UCN2: variants seen among roughly 807,000 people sequenced by gnomAD.
The protein encoded by UCN2 is urocortin 2, also known as urocortin-2.
In UCN2, 3 loss-of-function variants were observed where a neutral mutation model predicts 1.6. That is an observed-to-expected ratio of 1.88 (90% CI 0.85 to 4.85). UCN2 has a LOEUF of 4.85. UCN2 is among the 30% of genes most tolerant of loss of function. The probability of loss-of-function intolerance (pLI) is 0.02; values close to 1 mark genes in which losing one functional copy is unlikely to be tolerated. For synonymous variants in UCN2, 64 were observed against 66.0 expected (o/e 0.97, Z 0.15); for missense variants, 127 against 150.8 (o/e 0.84, Z 0.83).
Position 48,563,175 on chromosome 3 carries a change from C to A in UCN2, c.-12-39G>T. On this transcript the variant is annotated intron_variant, in intron 1 of 1. Transcript: ENST00000273610. This position sits in a 1 kb window ranked among gnomAD's most constrained non-coding sequence, Gnocchi z 4.5. ...ATGGGCTCAGGGCAGGGGCTCTGGT[C>A]AACTGGGGTCCATGGACAGAGACAG... The A allele has an allele frequency of 6.5e-7, 1 of 1,542,792 alleles. No homozygotes were observed. The highest frequency in any genetic ancestry group is 1.2e-5 in the South Asian group (1 of 83,382).
In UCN2 at chr3:48,563,094, C is replaced by G. The variant is rs778940067; in HGVS notation, c.31G>C (p.Val11Leu). 6.2e-7 allele frequency: 1 copy of G among 1,611,464 alleles called. No individual in the cohort carries two copies. The highest frequency in any genetic ancestry group is 2.2e-5 in the East Asian group (1 of 44,796). The change falls in exon 2 of 2, where the codon GTC (valine) becomes CTC (leucine). Residue 11 changes from valine to leucine, a missense_variant. Physicochemically the swap from Val to Leu is conservative, Grantham distance 32. Around this residue, in one of 2 missense-constraint regions of UCN2, gnomAD observed 5 missense variants for 19.3 expected, o/e 0.26. Coordinates refer to ENST00000273610, the MANE Select transcript of UCN2 (RefSeq NM_033199.4). This position sits in a 1 kb window ranked among gnomAD's most constrained non-coding sequence, Gnocchi z 4.5. ...ACCAGGACTCTGCCCAACATCAGGACCATCAGCAACAGCAGAGCACACCTG... is the reference window on the plus strand; with the variant it reads ...ACCAGGACTCTGCCCAACATCAGGAGCATCAGCAACAGCAGAGCACACCTG... Reference protein sequence around the residue: MTRCALLLLMVLMLGRVLVVP... With the variant: MTRCALLLLMLLMLGRVLVVP...
rs763575871 is a variant in UCN2 at position 48,562,936 on chromosome 3, G to A, written c.189C>T (p.Ser63=). The change falls in exon 2 of 2, where the codon AGC becomes AGT. Residue 63 remains serine (S), a synonymous_variant. Transcript: ENST00000273610. This position sits in a 1 kb window ranked among gnomAD's most constrained non-coding sequence, Gnocchi z 4.3. ...TWPWAAQSHC[S]PTRHPGSRIV... is the part of the protein sequence containing the mutation. ...TGCGCGAGCCAGGGTGGCGGGTGGG[G>A]CTGCAGTGGCTCTGGGCAGCCCACG... is the stretch of plus-strand genomic sequence containing the variant. 45 of 1,604,908 alleles carry A rather than the reference G, an allele frequency of 2.8e-5. No individual in the cohort carries two copies. In the East Asian group the frequency reaches 9.9e-4, roughly 35 times the overall value.
rs1176224975 is a variant in UCN2, at chr3:48,563,229, G to A, written c.-12-93C>T. 3 of 1,115,668 alleles carry A rather than the reference G, an allele frequency of 2.7e-6. No individual in the cohort carries two copies. Among genetic ancestry groups the A allele is most frequent in the Non-Finnish European group, 2.5e-6 (2 of 785,364 alleles). 69.1% of individuals were successfully genotyped at this position (1,115,668 alleles called of 1,614,324 possible). ...GCAAGGGCAGAGTGACAGAGCGGGGGATGGAGAGAGAGGAAGACACCGAGA... is the reference window on the plus strand; with the variant it reads ...GCAAGGGCAGAGTGACAGAGCGGGGAATGGAGAGAGAGGAAGACACCGAGA... On this transcript the variant is annotated intron_variant, in intron 1 of 1. Transcript: ENST00000273610. This position sits in a 1 kb window ranked among gnomAD's most constrained non-coding sequence, Gnocchi z 4.5.
chr3:48,562,586 G>T lies in UCN2; in HGVS notation c.*200C>A, dbSNP rs2043449092. ...AATGTCCAGGCTGTCCAGACACACT[G>T]TGACTCTGTGGGGCACTCAGATCTG... On this transcript the variant is annotated 3_prime_UTR_variant, in exon 2 of 2. Coordinates refer to ENST00000273610, the MANE Select transcript of UCN2 (RefSeq NM_033199.4). The surrounding 1 kb of genome is among the most constrained non-coding windows in gnomAD (Gnocchi z 4.3). 4.9e-6 allele frequency: 3 copies of T among 606,174 alleles called. No homozygotes were observed. The highest frequency in any genetic ancestry group is 8.5e-6 in the Non-Finnish European group (3 of 352,912). The allele number at this position is 606,174 out of a possible 1,614,324, so 37.5% of individuals were successfully genotyped here. A position where few individuals can be genotyped will look rare whatever the true frequency, so the allele number is the denominator to read the frequency against.
In UCN2 at chr3:48,563,219, C is replaced by CAG. The variant is rs2043466328; in HGVS notation, c.-12-85_-12-84dup. Reference sequence around the variant, plus strand: ...GAGACAGATGGCAAGGGCAGAGTGACAGAGCGGGGGATGGAGAGAGAGGAA... The same window carrying CAG: ...GAGACAGATGGCAAGGGCAGAGTGACAGAGAGCGGGGGATGGAGAGAGAGGAA... On this transcript the variant is annotated intron_variant, in intron 1 of 1. Transcript: ENST00000273610. This position sits in a 1 kb window ranked among gnomAD's most constrained non-coding sequence, Gnocchi z 4.5. The CAG allele has an allele frequency of 1.6e-6, 2 of 1,230,848 alleles. No individual in the cohort carries two copies. The highest frequency in any genetic ancestry group is 5.0e-5 in the East Asian group (2 of 40,354). The allele number at this position is 1,230,848 out of a possible 1,614,324, so 76.2% of individuals were successfully genotyped here. A position where few individuals can be genotyped will look rare whatever the true frequency, so the allele number is the denominator to read the frequency against.
rs747949979 is a variant in UCN2, at chr3:48,562,901, G to T, written c.224C>A (p.Ser75Ter). The change falls in exon 2 of 2, where the codon TCG becomes TAG. Residue 75 changes from serine (S) to a stop codon, truncating the protein, a stop_gained. Transcript: ENST00000273610. LOFTEE classifies it high-confidence loss of function. The surrounding 1 kb of genome is among the most constrained non-coding windows in gnomAD (Gnocchi z 4.3). ...TRHPGSRIVLSLDVPIGLLQI... is the reference protein window; with the variant it reads ...TRHPGSRIVL ...CAAGAGGCCGATGGGGACATCCAGC[G>T]ATAGGACAATGCGCGAGCCAGGGTG... 6.2e-6 allele frequency: 10 copies of T among 1,605,376 alleles called. No individual in the cohort carries two copies. In the African/African-American group the frequency reaches 1.3e-4, roughly 21 times the overall value.
Position 48,562,148 on chromosome 3 carries a change from AG to A in UCN2, c.*637del, listed in dbSNP as rs2043441361. 6.5e-6 allele frequency: 1 copy of A among 152,892 alleles called. No individual in the cohort carries two copies. Among genetic ancestry groups the A allele is most frequent in the Non-Finnish European group, 1.5e-5 (1 of 68,542 alleles). The allele number at this position is 152,892 out of a possible 1,614,324, so 9.5% of individuals were successfully genotyped here. A position where few individuals can be genotyped will look rare whatever the true frequency, so the allele number is the denominator to read the frequency against. On this transcript the variant is annotated 3_prime_UTR_variant, in exon 2 of 2. Coordinates refer to ENST00000273610, the MANE Select transcript of UCN2 (RefSeq NM_033199.4). The surrounding 1 kb of genome is among the most constrained non-coding windows in gnomAD (Gnocchi z 4.3). ...CACGCACATATGCGCCCATAAGACAAGGCTGCCATGGTCACAGGCTTCCTGT... is the reference window on the plus strand; with the variant it reads ...CACGCACATATGCGCCCATAAGACAAGCTGCCATGGTCACAGGCTTCCTGT...
rs2043444521 is a variant in UCN2 at position 48,562,319 on chromosome 3, C to G, written c.*467G>C. On this transcript the variant is annotated 3_prime_UTR_variant, in exon 2 of 2. Transcript: ENST00000273610. This position sits in a 1 kb window ranked among gnomAD's most constrained non-coding sequence, Gnocchi z 4.3. Reference sequence around the variant, plus strand: ...TATGGGATGACAGACCTGTGGGCCTCAGAGGGACTGGTCGGAGGCAGTGTT... The same window carrying G: ...TATGGGATGACAGACCTGTGGGCCTGAGAGGGACTGGTCGGAGGCAGTGTT... 6.2e-6 allele frequency: 1 copy of G among 162,548 alleles called. No individual in the cohort carries two copies. The highest frequency in any genetic ancestry group is 2.4e-5 in the African/African-American group (1 of 41,696). 10.1% of individuals were successfully genotyped at this position (162,548 alleles called of 1,614,324 possible).
chr3:48,562,712 C>G lies in UCN2; in HGVS notation c.*74G>C. 2.2e-6 allele frequency: 3 copies of G among 1,373,390 alleles called. No individual in the cohort carries two copies. The highest frequency in any genetic ancestry group is 2.9e-6 in the Non-Finnish European group (3 of 1,029,364). 85.1% of individuals were successfully genotyped at this position (1,373,390 alleles called of 1,614,324 possible). ...CTGTATGCCCAGATGTGGCAGCATC[C>G]GTCCAGCTGTGTGGCTGCCCTCCAG... On this transcript the variant is annotated 3_prime_UTR_variant, in exon 2 of 2. Transcript: ENST00000273610. This position sits in a 1 kb window ranked among gnomAD's most constrained non-coding sequence, Gnocchi z 4.3.
In UCN2 at chr3:48,562,554, A is replaced by G. The variant is rs2043448742; in HGVS notation, c.*232T>C. The stretch of plus-strand genomic sequence containing the variant: ...CCATGTGGCAGTGACCCAACTTAGC[A>G]ATGTCCAATGTCCAGGCTGTCCAGA... On this transcript the variant is annotated 3_prime_UTR_variant, in exon 2 of 2. Transcript: ENST00000273610. This position sits in a 1 kb window ranked among gnomAD's most constrained non-coding sequence, Gnocchi z 4.3. 2 of 555,174 alleles carry G rather than the reference A, an allele frequency of 3.6e-6. No individual in the cohort carries two copies. The highest frequency in any genetic ancestry group is 7.2e-5 in the Admixed American group (2 of 27,950). 34.4% of individuals were successfully genotyped at this position (555,174 alleles called of 1,614,324 possible). A position where few individuals can be genotyped will look rare whatever the true frequency, so the allele number is the denominator to read the frequency against.
In UCN2 at chr3:48,562,891, G is replaced by A. The variant is rs144853688; in HGVS notation, c.234C>T (p.Val78=). ...PGSRIVLSLD[V]PIGLLQILLE... is the part of the protein sequence containing the mutation. ...GTAAGATCTGCAAGAGGCCGATGGG[G>A]ACATCCAGCGATAGGACAATGCGCG... Residue 78 remains valine (V), a synonymous_variant, in exon 2 of 2, where the codon GTC becomes GTT. Coordinates refer to ENST00000273610, the MANE Select transcript of UCN2 (RefSeq NM_033199.4). This position sits in a 1 kb window ranked among gnomAD's most constrained non-coding sequence, Gnocchi z 4.3. 5 of 1,603,790 alleles carry A rather than the reference G, an allele frequency of 3.1e-6. No individual in the cohort carries two copies. The highest frequency in any genetic ancestry group is 4.3e-6 in the Non-Finnish European group (5 of 1,175,608).
In UCN2 at chr3:48,562,954, A is replaced by G. The variant is rs1460833468; in HGVS notation, c.171T>C (p.Ala57=). The G allele has an allele frequency of 6.2e-7, 1 of 1,605,396 alleles. No individual in the cohort carries two copies. Among genetic ancestry groups the G allele is most frequent in the Non-Finnish European group, 8.5e-7 (1 of 1,176,146 alleles). Residue 57 remains alanine (A), a synonymous_variant, in exon 2 of 2, where the codon GCT becomes GCC. Transcript: ENST00000273610. This position sits in a 1 kb window ranked among gnomAD's most constrained non-coding sequence, Gnocchi z 4.3. ...GGGTGGGGCTGCAGTGGCTCTGGGCAGCCCACGGCCATGTGGGAGCAGCTG... is the reference window on the plus strand; with the variant it reads ...GGGTGGGGCTGCAGTGGCTCTGGGCGGCCCACGGCCATGTGGGAGCAGCTG... ...SPSAAPTWPW[A]AQSHCSPTRH... is the part of the protein sequence containing the mutation.
Position 48,563,266 on chromosome 3 carries a change from G to GAGGCC in UCN2, c.-12-135_-12-131dup. 1 of 771,996 alleles carries GAGGCC rather than the reference G, an allele frequency of 1.3e-6. No individual in the cohort carries two copies. Among genetic ancestry groups the GAGGCC allele is most frequent in the Non-Finnish European group, 2.0e-6 (1 of 491,698 alleles). 47.8% of individuals were successfully genotyped at this position (771,996 alleles called of 1,614,324 possible). A position where few individuals can be genotyped will look rare whatever the true frequency, so the allele number is the denominator to read the frequency against. ...GGAAGACACCGAGAAAGGGGTTAGA[G>GAGGCC]AGGCCAGGCCAGGCCAGAGACAGAG... On this transcript the variant is annotated intron_variant, in intron 1 of 1. Coordinates refer to ENST00000273610, the MANE Select transcript of UCN2 (RefSeq NM_033199.4). The surrounding 1 kb of genome is among the most constrained non-coding windows in gnomAD (Gnocchi z 4.5).
Position 48,562,817 on chromosome 3 carries a change from G to T in UCN2, c.308C>A (p.Ala103Asp). The change falls in exon 2 of 2, where the codon GCC becomes GAC. Residue 103 changes from alanine to aspartate, a missense_variant. By Grantham distance (126) the Ala-to-Asp change is moderately radical. This residue lies in a region of UCN2 where 122 missense variants were observed against 131.5 expected (regional missense o/e 0.93). Coordinates refer to ENST00000273610, the MANE Select transcript of UCN2 (RefSeq NM_033199.4). The surrounding 1 kb of genome is among the most constrained non-coding windows in gnomAD (Gnocchi z 4.3). ...GTGGCCGACACGGGCCAGGATGCGG[G>T]CGTTGGTGGTGGCCTGCTCCCTGGC... is the stretch of plus-strand genomic sequence containing the variant. ...RAAREQATTNARILARVGHC is the reference protein window; with the variant it reads ...RAAREQATTNDRILARVGHC 1 of 1,568,196 alleles carries T rather than the reference G, an allele frequency of 6.4e-7. No homozygotes were observed. Among genetic ancestry groups the T allele is most frequent in the Non-Finnish European group, 8.6e-7 (1 of 1,157,614 alleles).
Position 48,562,915 on chromosome 3 carries a change from C to T in UCN2, c.210G>A (p.Ser70=), listed in dbSNP as rs200780329. ...GGACATCCAGCGATAGGACAATGCG[C>T]GAGCCAGGGTGGCGGGTGGGGCTGC... The part of the protein sequence containing the change: ...SHCSPTRHPG[S]RIVLSLDVPI... The change falls in exon 2 of 2, where the codon TCG becomes TCA. Residue 70 remains serine, a synonymous_variant. Transcript: ENST00000273610. This position sits in a 1 kb window ranked among gnomAD's most constrained non-coding sequence, Gnocchi z 4.3. 147 of 1,604,396 alleles carry T rather than the reference C, an allele frequency of 9.2e-5. No homozygotes were observed. The highest frequency in any genetic ancestry group is 1.7e-4 in the Middle Eastern group (1 of 6,058).
rs138367529 is a variant in UCN2 at position 48,562,797 on chromosome 3, C to T, written c.328G>A (p.Gly110Ser). 2,131 of 1,551,176 alleles carry T rather than the reference C, an allele frequency of 1.4e-3. 6 individuals are homozygous for T. Among genetic ancestry groups the T allele is most frequent in the African/African-American group, 5.1e-3 (376 of 73,686 alleles). The change falls in exon 2 of 2, where the codon GGC (glycine) becomes AGC (serine). Residue 110 changes from glycine (G) to serine (S), a missense_variant. Gly to Ser is a moderately conservative substitution (Grantham distance 56). Around this residue, in one of 2 missense-constraint regions of UCN2, gnomAD observed 122 missense variants for 131.5 expected, o/e 0.93. Coordinates refer to ENST00000273610, the MANE Select transcript of UCN2 (RefSeq NM_033199.4). The surrounding 1 kb of genome is among the most constrained non-coding windows in gnomAD (Gnocchi z 4.3). Reference protein sequence around the residue: ...TTNARILARVGHC With the variant: ...TTNARILARVSHC ...CCCCTCTCTCAGGCTCAGCAGTGGC[C>T]GACACGGGCCAGGATGCGGGCGTTG...
chr3:48,562,732 C>T lies in UCN2; in HGVS notation c.*54G>A, dbSNP rs1356289456. 6.8e-7 allele frequency: 1 copy of T among 1,473,474 alleles called. No homozygotes were observed. Among genetic ancestry groups the T allele is most frequent in the African/African-American group, 1.4e-5 (1 of 71,488 alleles). 91.3% of individuals were successfully genotyped at this position (1,473,474 alleles called of 1,614,324 possible). A position where few individuals can be genotyped will look rare whatever the true frequency, so the allele number is the denominator to read the frequency against. ...GCATCCGTCCAGCTGTGTGGCTGCC[C>T]TCCAGGTCTTCCCATCCAGGGTGGC... On this transcript the variant is annotated 3_prime_UTR_variant, in exon 2 of 2. Transcript: ENST00000273610. The surrounding 1 kb of genome is among the most constrained non-coding windows in gnomAD (Gnocchi z 4.3).
In UCN2 at chr3:48,563,215, G is replaced by A; in HGVS notation, c.-12-79C>T. Reference sequence around the variant, plus strand: ...GACAGAGACAGATGGCAAGGGCAGAGTGACAGAGCGGGGGATGGAGAGAGA... The same window carrying A: ...GACAGAGACAGATGGCAAGGGCAGAATGACAGAGCGGGGGATGGAGAGAGA... On this transcript the variant is annotated intron_variant, in intron 1 of 1. Coordinates refer to ENST00000273610, the MANE Select transcript of UCN2 (RefSeq NM_033199.4). The surrounding 1 kb of genome is among the most constrained non-coding windows in gnomAD (Gnocchi z 4.5). The A allele has an allele frequency of 7.9e-7, 1 of 1,267,382 alleles. No individual in the cohort carries two copies. Among genetic ancestry groups the A allele is most frequent in the Admixed American group, 2.3e-5 (1 of 43,956 alleles). 78.5% of individuals were successfully genotyped at this position (1,267,382 alleles called of 1,614,324 possible). A position where few individuals can be genotyped will look rare whatever the true frequency, so the allele number is the denominator to read the frequency against.
At position 48,562,834 on chromosome 3, in the gene UCN2, C is replaced by T. The variant is rs758716106; in HGVS notation, c.291G>A (p.Glu97=). ...GGATGCGGGCGTTGGTGGTGGCCTG[C>T]TCCCTGGCAGCCCTGGCCCGGGCTT... ...LEQARARAAR[E]QATTNARILA... The change falls in exon 2 of 2, where the codon GAG becomes GAA. Residue 97 remains glutamate (E), a synonymous_variant. Coordinates refer to ENST00000273610, the MANE Select transcript of UCN2 (RefSeq NM_033199.4). This position sits in a 1 kb window ranked among gnomAD's most constrained non-coding sequence, Gnocchi z 4.3. 9.5e-6 allele frequency: 15 copies of T among 1,579,508 alleles called. No homozygotes were observed. In the Admixed American group the frequency reaches 1.3e-4, roughly 13 times the overall value.
Sources: allele counts gnomAD v4.1 joint callset, GRCh38; gene constraint gnomAD v4.1.1; regional missense constraint gnomAD v4.1.1; non-coding constraint Gnocchi (gnomAD v3.1); transcripts MANE v1.5; gene names NCBI Gene and HGNC (gene_info 2026-07-23, HGNC 2026-07-21).